WDR86: variants seen among roughly 807,000 people sequenced by gnomAD.
The protein encoded by WDR86 is WD repeat-containing protein 86.
In WDR86, 30 loss-of-function variants were observed where a neutral mutation model predicts 36.5. The observed-to-expected ratio is 0.82, with a 90% CI of 0.61 to 1.11. WDR86 has a LOEUF of 1.11. Ranked by LOEUF, WDR86 falls within the 50% of genes most tolerant of loss-of-function variation. The probability of loss-of-function intolerance (pLI) is 0.00; values close to 1 mark genes in which losing one functional copy is unlikely to be tolerated. For synonymous variants in WDR86, 255 were observed against 252.9 expected (o/e 1.01, Z -0.08); for missense variants, 545 against 561.2 (o/e 0.97, Z 0.29).
At position 151,410,012 on chromosome 7, in the gene WDR86, C is replaced by T; in HGVS notation, c.-423G>A. ...CGGGAAGCCGAGCGCCCCGCGCCCT[C>T]CCCGGCCGAGCGCGGAACAATACGG... On this transcript the variant is annotated 5_prime_UTR_variant, in exon 1 of 6. Transcript: ENST00000334493. The T allele has an allele frequency of 3.0e-6, 3 of 995,486 alleles. No individual in the cohort carries two copies. Among genetic ancestry groups the T allele is most frequent in the Non-Finnish European group, 3.6e-6 (3 of 837,064 alleles). 61.7% of individuals were successfully genotyped at this position (995,486 alleles called of 1,614,324 possible). A position where few individuals can be genotyped will look rare whatever the true frequency, so the allele number is the denominator to read the frequency against.
chr7:151,389,205 C>T (rs1799220646), intron 3 of WDR86, among the ~76,000 whole-genome samples: 1 of 150,646 alleles, frequency 6.6e-6, no homozygotes, highest in Non-Finnish European at 1.5e-5. Flanking sequence ...ATCCGTCCAC[C>T]TCAGCCTCCC....
Position 151,381,945 on chromosome 7 carries a change from A to G in WDR86, c.899T>C (p.Phe300Ser). Residue 300 changes from phenylalanine (F) to serine (S), a missense_variant, in exon 5 of 6, where the codon TTC (phenylalanine) becomes TCC (serine). Phe to Ser is a radical substitution (Grantham distance 155). Coordinates refer to ENST00000334493, the MANE Select transcript of WDR86 (RefSeq NM_198285.3). This position sits in a 1 kb window ranked among gnomAD's most constrained non-coding sequence, Gnocchi z 4.8. The stretch of plus-strand genomic sequence containing the variant: ...CCGCAGCTCTCCAGACTGCGCGTCG[A>G]AGGCCCGGGCGCAAGCGTCCCCGCT... ...TGSGDACARAFDAQSGELRRV... is the reference protein window; with the variant it reads ...TGSGDACARASDAQSGELRRV... 6.2e-7 allele frequency: 1 copy of G among 1,608,608 alleles called. No individual in the cohort carries two copies. Among genetic ancestry groups the G allele is most frequent in the East Asian group, 2.2e-5 (1 of 44,582 alleles).
At chr7:151,375,242 T>G (rs1041834760), downstream of WDR86, among the ~76,000 whole-genome samples, 2 of 152,246 alleles carry the variant, frequency 1.3e-5, no homozygotes, top group African/African-American at 4.8e-5. Context: ...TTTATTTGAA[T>G]ATCATCTAGT....
downstream of WDR86, chr7:151,374,325 C>A (rs1798104891): frequency 6.7e-7 from 1 of 1,488,808 alleles, no homozygotes; most frequent in African/African-American, 1.4e-5. Flanking sequence ...CTCCAGCATC[C>A]TCCCGGGCTC....
chr7:151,404,782 G>A (rs189445520), intron 1 of WDR86, among the ~76,000 whole-genome samples: 84 of 152,360 alleles, frequency 5.5e-4, no homozygotes, highest in Middle Eastern at 3.4e-3. Context: ...TGCACACCCT[G>A]GGGACTCGCT....
At chr7:151,392,706 A>G (rs1799524463) in intron 3 of WDR86, among the ~76,000 whole-genome samples, 1 of 152,138 alleles carries the variant, frequency 6.6e-6, no homozygotes, top group South Asian at 2.1e-4. Flanking sequence ...GGCCTGTCAC[A>G]GGCTGTGCAC....
rs1170740777 is a variant in WDR86 at position 151,409,082 on chromosome 7, G to C, written c.163+345C>G. 1 of 565,246 alleles carries C rather than the reference G, an allele frequency of 1.8e-6. No individual in the cohort carries two copies. The highest frequency in any genetic ancestry group is 3.5e-6 in the Non-Finnish European group (1 of 288,436). The allele number at this position is 565,246 out of a possible 1,614,324, so 35.0% of individuals were successfully genotyped here. On this transcript the variant is annotated intron_variant, in intron 1 of 5. Coordinates refer to ENST00000334493, the MANE Select transcript of WDR86 (RefSeq NM_198285.3). This position sits in a 1 kb window ranked among gnomAD's most constrained non-coding sequence, Gnocchi z 5.2. ...GAGACAAGGGAAGGTTTGCTTAGAA[G>C]GAGTATAGGTGCAACTTTTTGTTTG...
chr7:151,404,730 A>G (rs1459254947), intron 1 of WDR86, among the ~76,000 whole-genome samples: 5 of 152,252 alleles, frequency 3.3e-5, no homozygotes, highest in Non-Finnish European at 7.3e-5. Context: ...ATTATGTTCA[A>G]AGAACATGCT....
Position 151,385,215 on chromosome 7 carries a change from G to C in WDR86, c.735C>G (p.Asn245Lys), listed in dbSNP as rs1327390828. The C allele has an allele frequency of 6.2e-7, 1 of 1,611,906 alleles. No homozygotes were observed. The highest frequency in any genetic ancestry group is 1.7e-5 in the Admixed American group (1 of 60,028). Residue 245 changes from asparagine to lysine, a missense_variant, in exon 4 of 6, where the codon AAC (asparagine) becomes AAG (lysine). By Grantham distance (94) the Asn-to-Lys change is moderately conservative. Coordinates refer to ENST00000334493, the MANE Select transcript of WDR86 (RefSeq NM_198285.3). The part of the protein sequence containing the change: ...RGSVICLELV[N>K]RLVYSGSADR... ...CCGCGCTGCCAGAGTACACGAGTCG[G>C]TTCACCAGCTGCGAGGAGGAGCAGG...
At position 151,409,925 on chromosome 7, in the gene WDR86, T is replaced by C. The variant is rs1348668017; in HGVS notation, c.-336A>G. 3.7e-5 allele frequency: 40 copies of C among 1,075,970 alleles called. No individual in the cohort carries two copies. Among genetic ancestry groups the C allele is most frequent in the Non-Finnish European group, 4.3e-5 (38 of 889,164 alleles). The allele number at this position is 1,075,970 out of a possible 1,614,324, so 66.7% of individuals were successfully genotyped here. A position where few individuals can be genotyped will look rare whatever the true frequency, so the allele number is the denominator to read the frequency against. ...CGGGCGAACAAGGCAGCTGCGTCTC[T>C]GGTGCACAAGGAGCCCCCCGCCTCC... On this transcript the variant is annotated 5_prime_UTR_variant, in exon 1 of 6. Coordinates refer to ENST00000334493, the MANE Select transcript of WDR86 (RefSeq NM_198285.3). This position sits in a 1 kb window ranked among gnomAD's most constrained non-coding sequence, Gnocchi z 5.2.
At chr7:151,387,676 C>G (rs740513) in intron 3 of WDR86, among the ~76,000 whole-genome samples, 133,317 of 152,098 alleles carry the variant, frequency 0.88, 58,558 homozygotes, top group East Asian at 0.94. Flanking sequence ...CCTCCCCGGG[C>G]TCCAAGGGAG....
At chr7:151,392,784 T>G (rs1799527895) in intron 3 of WDR86, among the ~76,000 whole-genome samples, 1 of 152,196 alleles carries the variant, frequency 6.6e-6, no homozygotes, top group South Asian at 2.1e-4. Context: ...CTTGCCTTCC[T>G]TCTGTCTTTA....
intron 3 of WDR86, among the ~76,000 whole-genome samples, chr7:151,389,369 C>T (rs1327812373): frequency 6.6e-6 from 1 of 152,180 alleles, no homozygotes; most frequent in East Asian, 1.9e-4. Context: ...GGGCTTATCT[C>T]CATAAATCAA....
rs1478737205 is a variant in WDR86, at chr7:151,395,916, C to T, written c.586G>A (p.Val196Met). The T allele has an allele frequency of 6.2e-7, 1 of 1,600,572 alleles. No homozygotes were observed. Among genetic ancestry groups the T allele is most frequent in the Non-Finnish European group, 8.5e-7 (1 of 1,176,490 alleles). Reference protein sequence around the residue: ...HQTLRGHTGAVLCLVLDTPGH... With the variant: ...HQTLRGHTGAMLCLVLDTPGH... ...GGCGTGTCTAGCACTAGGCACAGCA[C>T]TGCACCCGTGTGGCCCCGCAGCGTC... Residue 196 changes from valine (V) to methionine (M), a missense_variant, in exon 3 of 6, where the codon GTG becomes ATG. Coordinates refer to ENST00000334493, the MANE Select transcript of WDR86 (RefSeq NM_198285.3).
At chr7:151,389,801 A>C (rs1056982608) in intron 3 of WDR86, among the ~76,000 whole-genome samples, 3 of 152,196 alleles carry the variant, frequency 2.0e-5, no homozygotes, top group Admixed American at 6.5e-5. Context: ...GGTGTCATAG[A>C]CCACGGGTCA....
intron 3 of WDR86, among the ~76,000 whole-genome samples, chr7:151,394,931 A>G (rs913269637): frequency 1.1e-4 from 16 of 152,210 alleles, no homozygotes; most frequent in Admixed American, 3.3e-4. Flanking sequence ...TTTCGTGCCA[A>G]GCTTAAGAAA....
At chr7:151,380,892 T>C (rs575068724), downstream of WDR86, among the ~76,000 whole-genome samples, 6 of 149,132 alleles carry the variant, frequency 4.0e-5, no homozygotes, top group Middle Eastern at 3.6e-3. Flanking sequence ...CGCTGTCACC[T>C]GCACAGGCTA....
rs1194555308 is a variant in WDR86 at position 151,409,477 on chromosome 7, G to A, written c.113C>T (p.Thr38Met). The A allele has an allele frequency of 2.0e-6, 3 of 1,536,826 alleles. No individual in the cohort carries two copies. Among genetic ancestry groups the A allele is most frequent in the Non-Finnish European group, 2.6e-6 (3 of 1,147,122 alleles). Reference sequence around the variant, plus strand: ...GTCCGCGGTGCTCCAGAGCCGGGCCGTGCCGTCCTCGCTGCCCGTCAGCAG... The same window carrying A: ...GTCCGCGGTGCTCCAGAGCCGGGCCATGCCGTCCTCGCTGCCCGTCAGCAG... ...QRLLTGSEDG[T>M]ARLWSTADGQ... Residue 38 changes from threonine (T) to methionine (M), a missense_variant, in exon 1 of 6, where the codon ACG becomes ATG. Coordinates refer to ENST00000334493, the MANE Select transcript of WDR86 (RefSeq NM_198285.3). The surrounding 1 kb of genome is among the most constrained non-coding windows in gnomAD (Gnocchi z 5.2).
In WDR86 at chr7:151,396,038, G is replaced by A. The variant is rs1007933155; in HGVS notation, c.464C>T (p.Pro155Leu). The A allele has an allele frequency of 6.2e-7, 1 of 1,609,816 alleles. No homozygotes were observed. Among genetic ancestry groups the A allele is most frequent in the Admixed American group, 1.7e-5 (1 of 59,842 alleles). ...CCCGGCCGCGGCCTCCTCCGCGCAG[G>A]GAGTGCTGGGGAGGTCCCACGGGGC... ...YSAPWDLPST[P>L]CAEEAAAGGL... The change falls in exon 3 of 6, where the codon CCC (proline) becomes CTC (leucine). Residue 155 changes from proline to leucine, a missense_variant. Physicochemically the swap from Pro to Leu is moderately conservative, Grantham distance 98. Coordinates refer to ENST00000334493, the MANE Select transcript of WDR86 (RefSeq NM_198285.3).
Sources: allele counts gnomAD v4.1 joint callset (sites outside exome capture counted in the v4.1 genomes callset), GRCh38; gene constraint gnomAD v4.1.1; non-coding constraint Gnocchi (gnomAD v3.1); transcripts MANE v1.5; gene names NCBI Gene and HGNC (gene_info 2026-07-23, HGNC 2026-07-21).